MTHFD1L: variants seen among roughly 807,000 people sequenced by gnomAD.
MTHFD1L encodes the protein methylenetetrahydrofolate dehydrogenase (NADP+ dependent) 1 like, also known as monofunctional C1-tetrahydrofolate synthase, mitochondrial.
A neutral mutation model predicts 119.5 loss-of-function variants in MTHFD1L; 81 were observed. That is an observed-to-expected ratio of 0.68 (90% CI 0.57 to 0.82). MTHFD1L has a LOEUF of 0.82. Ranked by LOEUF, MTHFD1L falls within the 40% of genes least tolerant of loss-of-function variation. The pLI, the probability that MTHFD1L is intolerant of heterozygous loss-of-function variation, is 0.00. For missense variants in MTHFD1L, 1,125 were observed against 1,253.4 expected, an observed-to-expected ratio of 0.90 and a Z score of 1.55; for synonymous variants, 430 against 475.2, an observed-to-expected ratio of 0.90 and a Z score of 1.24.
In MTHFD1L at chr6:150,901,743, T is replaced by G. The variant is rs142408686; in HGVS notation, c.781-3907T>G. On this transcript the variant is annotated intron_variant, in intron 7 of 27. Coordinates refer to ENST00000367321, the MANE Select transcript of MTHFD1L (RefSeq NM_015440.5). Reference sequence around the variant, plus strand: ...TTGAGAATGCCAATGTCTTTAGTTATTGTAATTTCAGAAGCACATCCTTGC... The same window carrying G: ...TTGAGAATGCCAATGTCTTTAGTTAGTGTAATTTCAGAAGCACATCCTTGC... Among the ~76,000 whole-genome samples the G allele has an allele frequency of 3.3e-3, 497 of 152,314 alleles. 3 individuals carry two copies. The highest frequency in any genetic ancestry group is 0.012 in the African/African-American group (482 of 41,554).
At chr6:151,060,980 T>C (rs1377200611) in intron 26 of MTHFD1L, among the ~76,000 whole-genome samples, 1 of 152,100 alleles carries the variant, frequency 6.6e-6, no homozygotes, top group East Asian at 1.9e-4. Context: ...AGGCAGGGGA[T>C]GGGAATGAGA....
intron 20 of MTHFD1L, among the ~76,000 whole-genome samples, chr6:150,993,469 G>A (rs1449664029): frequency 2.6e-5 from 4 of 151,996 alleles, no homozygotes; most frequent in East Asian, 3.9e-4. Flanking sequence ...ACACCACCAC[G>A]TCCAGCTAAT....
intron 11 of MTHFD1L, among the ~76,000 whole-genome samples, chr6:150,929,894 G>C (rs780954159): frequency 6.6e-6 from 1 of 151,864 alleles, no homozygotes; most frequent in African/African-American, 2.4e-5. Flanking sequence ...AAAAATAACC[G>C]TGCTGGTAAG....
intron 8 of MTHFD1L, among the ~76,000 whole-genome samples, chr6:150,914,333 G>C (rs1262725784): frequency 1.3e-5 from 2 of 152,094 alleles, no homozygotes; most frequent in Non-Finnish European, 2.9e-5. Flanking sequence ...AATTTTAATT[G>C]CTTGTAATTA....
Position 151,000,913 on chromosome 6 carries a change from G to A in MTHFD1L, c.2126-8906G>A, listed in dbSNP as rs564210377. The stretch of plus-strand genomic sequence containing the variant: ...TACACCTTGCTTGTTCCTCTACAAA[G>A]CTTCTATTTTTGTTTTTGATTTGTT... On this transcript the variant is annotated intron_variant, in intron 20 of 27. Coordinates refer to ENST00000367321, the MANE Select transcript of MTHFD1L (RefSeq NM_015440.5). Among the ~76,000 whole-genome samples, 57 of 152,320 alleles carry A rather than the reference G, an allele frequency of 3.7e-4. 1 individual carries two copies. Among genetic ancestry groups the A allele is most frequent in the Admixed American group, 3.0e-3 (46 of 15,294 alleles).
At chr6:151,010,026 G>A in intron 21 of MTHFD1L, 68 bp downstream of exon 21, 1 of 1,486,960 alleles carries the variant, frequency 6.7e-7, no homozygotes, top group Non-Finnish European at 8.9e-7. Context: ...TTGAGCATTT[G>A]AAAAATTCCT....
chr6:150,958,172 A>G (rs1163477848), intron 17 of MTHFD1L, among the ~76,000 whole-genome samples: 1 of 152,178 alleles, frequency 6.6e-6, no homozygotes. Context: ...TTAAGTAAAA[A>G]GGGGTTATAG....
chr6:151,042,265 A>G (rs1317913479), intron 26 of MTHFD1L, among the ~76,000 whole-genome samples: 1 of 151,732 alleles, frequency 6.6e-6, no homozygotes, highest in African/African-American at 2.4e-5. Flanking sequence ...CTTCATATGT[A>G]TTTTATGTAT....
At chr6:151,009,752 G>A in intron 20 of MTHFD1L, 67 bp from the exon 21 acceptor site, 7 of 1,561,720 alleles carry the variant, frequency 4.5e-6, no homozygotes, top group Non-Finnish European at 6.1e-6. Context: ...GAATCATAGT[G>A]GTGATTGCCA....
At chr6:150,997,884 C>A (rs141886909) in intron 20 of MTHFD1L, among the ~76,000 whole-genome samples, 4,205 of 152,266 alleles carry the variant, frequency 0.028, 203 homozygotes, top group Admixed American at 0.14. Flanking sequence ...AGGCCAGGCC[C>A]GAGTAATCAT....
At chr6:150,879,991 T>C (rs1156550512) in intron 4 of MTHFD1L, among the ~76,000 whole-genome samples, 2 of 152,166 alleles carry the variant, frequency 1.3e-5, no homozygotes, top group African/African-American at 4.8e-5. Flanking sequence ...CACATAATAA[T>C]TGTGCATGTG....
intron 1 of MTHFD1L, among the ~76,000 whole-genome samples, chr6:150,873,449 C>T (rs1175746445): frequency 2.6e-5 from 4 of 151,844 alleles, no homozygotes; most frequent in African/African-American, 9.7e-5. Context: ...AAAAAACAAA[C>T]GTACATTTAT....
At chr6:150,939,681 C>CTATTTTTTTT (rs1175796074) in intron 13 of MTHFD1L, among the ~76,000 whole-genome samples, 10 of 94,090 alleles carry the variant, frequency 1.1e-4, no homozygotes, top group African/African-American at 5.8e-4. Flanking sequence ...TCCTTGCAGA[C>CTATTTTTTTT]TCTTTTTTTT....
chr6:150,960,437 GCTT>G, intron 18 of MTHFD1L, 22 bp downstream of exon 18: 1 of 1,588,266 alleles, frequency 6.3e-7, no homozygotes, highest in South Asian at 1.1e-5. Flanking sequence ...CAACTCGGAA[GCTT>G]CAGGGAGTGG....
chr6:150,943,815 G>A (rs906494195), intron 13 of MTHFD1L, among the ~76,000 whole-genome samples: 2 of 152,170 alleles, frequency 1.3e-5, no homozygotes, highest in African/African-American at 4.8e-5. Context: ...AACAGAATGA[G>A]TAGAGTCATG....
intron 1 of MTHFD1L, among the ~76,000 whole-genome samples, chr6:150,875,742 C>T (rs967516702): frequency 9.2e-5 from 14 of 151,930 alleles, no homozygotes; most frequent in Admixed American, 2.0e-4. Flanking sequence ...AGGATGGCAG[C>T]GGAGTATGGT....
intron 20 of MTHFD1L, among the ~76,000 whole-genome samples, chr6:150,998,822 C>CAAAAAAAAA (rs72203332): frequency 9.9e-6 from 1 of 101,126 alleles, no homozygotes; most frequent in African/African-American, 3.6e-5. Context: ...TCTAAAAATA[C>CAAAAAAAAA]AAAAAAAAAA....
chr6:151,050,635 C>G (rs865934201), intron 26 of MTHFD1L, among the ~76,000 whole-genome samples: 47 of 152,180 alleles, frequency 3.1e-4, no homozygotes, highest in African/African-American at 1.1e-3. Flanking sequence ...GTGGGGGGCA[C>G]TCGGCCCTGT....
intron 26 of MTHFD1L, among the ~76,000 whole-genome samples, chr6:151,086,128 T>G (rs1167923649): frequency 6.6e-6 from 1 of 152,120 alleles, no homozygotes. Context: ...CCCCAGAGCA[T>G]CCCTGCCGAC....
Sources: gnomAD v4.1 joint callset for allele counts (sites outside exome capture counted in the v4.1 genomes callset) on GRCh38, gnomAD v4.1.1 for gene constraint, MANE v1.5 for transcripts, NCBI Gene and HGNC (gene_info 2026-07-23, HGNC 2026-07-21) for gene names.